The following FAM3D variants were observed in gnomAD, a reference collection of about 807,000 sequenced individuals.
The protein encoded by FAM3D is protein FAM3D.
FAM3D carries 26 observed loss-of-function variants against 29.8 expected under a neutral mutation model. The ratio of observed to expected loss-of-function variants is 0.87; its 90% CI spans 0.64 to 1.21. The LOEUF (loss-of-function observed/expected upper bound fraction) is 1.21, where lower values mean the gene tolerates loss of function less well. FAM3D is among the 50% of genes most tolerant of loss of function. The pLI is 0.00. For missense variants in FAM3D, 253 were observed against 290.9 expected, an observed-to-expected ratio of 0.87 and a Z score of 0.95; for synonymous variants, 115 against 102.3, an observed-to-expected ratio of 1.12 and a Z score of -0.75.
chr3:58,648,870 G>T (rs1454483663), intron 4 of FAM3D, among the ~76,000 whole-genome samples: 1 of 152,224 alleles, frequency 6.6e-6, no homozygotes, highest in Non-Finnish European at 1.5e-5. Context: ...ACTTCTGTTT[G>T]TCTCTGGGGC....
In FAM3D at chr3:58,655,590, G is replaced by A. The variant is rs2066771346; in HGVS notation, c.-27C>T. On this transcript the variant is annotated 5_prime_UTR_variant, in exon 2 of 10. Transcript: ENST00000358781. ...CTGTCCAGGTGAAGGGTGGCTTGGG[G>A]TCAGCTTCCACCTATGGAGAGAAGA... 6.2e-7 allele frequency: 1 copy of A among 1,612,686 alleles called. No homozygotes were observed.
chr3:58,655,682 C>T, intron 1 of FAM3D, 81 bp from the exon 2 acceptor site: 2 of 1,154,030 alleles, frequency 1.7e-6, no homozygotes, highest in Non-Finnish European at 1.2e-6. Context: ...AAAGGGACCT[C>T]TAACTGTGGA....
Position 58,649,344 on chromosome 3 carries a change from G to C in FAM3D, c.122-6C>G. The C allele has an allele frequency of 6.2e-7, 1 of 1,613,644 alleles. No individual in the cohort carries two copies. The highest frequency in any genetic ancestry group is 1.7e-5 in the Admixed American group (1 of 59,986). ...CTCCTTGGTGGGCGAGGCTGCTGGA[G>C]AGAAGACAGAATCTGGTTAGAGGAA... is the stretch of plus-strand genomic sequence containing the variant. On this transcript the variant is annotated splice_region_variant and splice_polypyrimidine_tract_variant and intron_variant, in intron 3 of 9. Transcript: ENST00000358781.
intron 5 of FAM3D, 79 bp downstream of exon 5, chr3:58,645,430 A>G: frequency 1.7e-6 from 2 of 1,161,814 alleles, no homozygotes; most frequent in Non-Finnish European, 2.4e-6. Flanking sequence ...CAGCCCCTGC[A>G]GCCTCTGAGT....
intron 1 of FAM3D, among the ~76,000 whole-genome samples, chr3:58,661,455 G>T (rs2066927563): frequency 6.6e-6 from 1 of 152,206 alleles, no homozygotes; most frequent in Admixed American, 6.5e-5. Flanking sequence ...AGGTTTTAGG[G>T]AGACTTTCCT....
At chr3:58,645,119 G>A (rs1430525517) in intron 5 of FAM3D, among the ~76,000 whole-genome samples, 1 of 152,222 alleles carries the variant, frequency 6.6e-6, no homozygotes, top group Admixed American at 6.5e-5. Flanking sequence ...GCCTGGGTCA[G>A]GATCTTGAAA....
At chr3:58,654,732 G>T (rs1301156032) in intron 2 of FAM3D, among the ~76,000 whole-genome samples, 1 of 150,094 alleles carries the variant, frequency 6.7e-6, no homozygotes, top group Non-Finnish European at 1.5e-5. Context: ...CTAGAGCCTT[G>T]AACTAGTCTC....
At position 58,653,679 on chromosome 3, in the gene FAM3D, C is replaced by T. The variant is rs2066710594; in HGVS notation, c.116G>A (p.Trp39Ter). The T allele has an allele frequency of 1.9e-6, 3 of 1,613,586 alleles. No homozygotes were observed. Among genetic ancestry groups the T allele is most frequent in the South Asian group, 1.1e-5 (1 of 91,082 alleles). ...CAGCAGTGAGCCCCACTCACCCAGC[C>T]AGCGTGGCAGACGGATGGTTTTCAT... Reference protein sequence around the residue: ...FSMKTIRLPRWLAASPTKEIQ... With the variant: ...FSMKTIRLPR The change falls in exon 3 of 10, where the codon TGG becomes TAG. Residue 39 changes from tryptophan (W) to a stop codon, truncating the protein, a stop_gained. Transcript: ENST00000358781. LOFTEE classifies it high-confidence loss of function.
In FAM3D at chr3:58,642,648, C is replaced by T. The variant is rs142966384; in HGVS notation, c.322+1014G>A. ...AAACGTGTCCCTACTTCAGGCTTGGCGGCCCTCTGGCCTCCTGTTTAAGTG... is the reference window on the plus strand; with the variant it reads ...AAACGTGTCCCTACTTCAGGCTTGGTGGCCCTCTGGCCTCCTGTTTAAGTG... On this transcript the variant is annotated intron_variant, in intron 6 of 9. Coordinates refer to ENST00000358781, the MANE Select transcript of FAM3D (RefSeq NM_138805.3). Among the ~76,000 whole-genome samples the T allele has an allele frequency of 6.6e-5, 10 of 152,270 alleles. No individual in the cohort carries two copies. In the East Asian group the frequency reaches 1.7e-3, roughly 27 times the overall value.
At chr3:58,662,311 C>A (rs1387102619) in intron 1 of FAM3D, among the ~76,000 whole-genome samples, 1 of 152,220 alleles carries the variant, frequency 6.6e-6, no homozygotes, top group South Asian at 2.1e-4. Flanking sequence ...CTTTAATTAA[C>A]CAACGTGGTG....
chr3:58,650,555 A>G (rs1282917603), intron 3 of FAM3D, among the ~76,000 whole-genome samples: 5 of 152,000 alleles, frequency 3.3e-5, no homozygotes, highest in African/African-American at 9.7e-5. Flanking sequence ...CAACAAGCAA[A>G]GCCCAGGGAT....
Position 58,634,479 on chromosome 3 carries a change from C to A in FAM3D, c.586-111G>T. 3 of 890,404 alleles carry A rather than the reference C, an allele frequency of 3.4e-6. No individual in the cohort carries two copies. The highest frequency in any genetic ancestry group is 1.7e-5 in the South Asian group (1 of 60,382). 55.2% of individuals were successfully genotyped at this position (890,404 alleles called of 1,614,324 possible). A position where few individuals can be genotyped will look rare whatever the true frequency, so the allele number is the denominator to read the frequency against. ...AAATGGGGGTGTGGGATGTTATTAA[C>A]CCACTTCACAGATGGGGAAACTGAG... On this transcript the variant is annotated intron_variant, in intron 9 of 9. Transcript: ENST00000358781. The surrounding 1 kb of genome is among the most constrained non-coding windows in gnomAD (Gnocchi z 4.6).
intron 4 of FAM3D, among the ~76,000 whole-genome samples, chr3:58,646,091 A>C (rs1362086804): frequency 6.6e-6 from 1 of 152,130 alleles, no homozygotes; most frequent in Non-Finnish European, 1.5e-5. Context: ...CTTGCACCTC[A>C]TCTTATCTGC....
At chr3:58,653,257 T>G (rs1311265514) in intron 3 of FAM3D, among the ~76,000 whole-genome samples, 1 of 152,146 alleles carries the variant, frequency 6.6e-6, no homozygotes, top group Admixed American at 6.5e-5. Flanking sequence ...AGGAGCCAGG[T>G]GGGAGGGCAG....
chr3:58,653,554 GT>G, intron 3 of FAM3D, 119 bp downstream of exon 3: 2 of 947,400 alleles, frequency 2.1e-6, no homozygotes, highest in Non-Finnish European at 3.3e-6. Context: ...AATTGCTGGG[GT>G]CCCAAAGGCA....
At chr3:58,653,571 G>C in intron 3 of FAM3D, 103 bp downstream of exon 3, 1 of 1,125,670 alleles carries the variant, frequency 8.9e-7, no homozygotes, top group Non-Finnish European at 1.3e-6. Context: ...AGGCAGCACA[G>C]CTTGTCATGT....
Position 58,634,201 on chromosome 3 carries a change from C to T in FAM3D, c.*78G>A, listed in dbSNP as rs2066094887. On this transcript the variant is annotated 3_prime_UTR_variant, in exon 10 of 10. Transcript: ENST00000358781. The surrounding 1 kb of genome is among the most constrained non-coding windows in gnomAD (Gnocchi z 4.6). ...CGCAGCACCCCCTGCTCCTCCTCCT[C>T]AGCCCCTGCCGGGCTCTGACTCCTA... 2.2e-6 allele frequency: 3 copies of T among 1,363,988 alleles called. No homozygotes were observed. Among genetic ancestry groups the T allele is most frequent in the Admixed American group, 3.7e-5 (2 of 54,568 alleles). The allele number at this position is 1,363,988 out of a possible 1,614,324, so 84.5% of individuals were successfully genotyped here. A position where few individuals can be genotyped will look rare whatever the true frequency, so the allele number is the denominator to read the frequency against.
intron 1 of FAM3D, among the ~76,000 whole-genome samples, chr3:58,659,894 A>G (rs1405557346): frequency 1.3e-5 from 2 of 152,324 alleles, no homozygotes; most frequent in East Asian, 3.9e-4. Context: ...CTGGAAATCC[A>G]AGTCCAGCTC....
At chr3:58,659,231 C>T (rs986621088) in intron 1 of FAM3D, among the ~76,000 whole-genome samples, 9 of 152,190 alleles carry the variant, frequency 5.9e-5, no homozygotes, top group Non-Finnish European at 1.3e-4. Context: ...ACTCTGCTGC[C>T]TCTCGCTAGT....
Sources: gnomAD v4.1 joint callset for allele counts (sites outside exome capture counted in the v4.1 genomes callset) on GRCh38, gnomAD v4.1.1 for gene constraint, Gnocchi (gnomAD v3.1) non-coding constraint, MANE v1.5 for transcripts, NCBI Gene and HGNC (gene_info 2026-07-23, HGNC 2026-07-21) for gene names.